Variants in LLGL2 observed in about 807,000 individuals in gnomAD.
LLGL2 encodes the protein LLGL2, scribble cell polarity complex component.
Under a neutral mutation model 123.2 loss-of-function variants are expected in LLGL2, and 81 were observed. The ratio of observed to expected loss-of-function variants is 0.66; its 90% confidence interval spans 0.55 to 0.79. The LOEUF is 0.79. Among genes scored for constraint, LLGL2 ranks in the 30% least tolerant of loss-of-function variants. The pLI is 0.00. For missense variants in LLGL2, 1,273 were observed against 1,414.6 expected, an observed-to-expected ratio of 0.90 and a Z score of 1.61; for synonymous variants, 577 against 594.1, an observed-to-expected ratio of 0.97 and a Z score of 0.42.
chr17:75,546,562 ACAGGCGGAGGG>A (rs2054434216), intron 2 of LLGL2, among the ~76,000 whole-genome samples: 2 of 55,594 alleles, frequency 3.6e-5, no homozygotes, highest in Admixed American at 1.4e-4. Flanking sequence ...GGCCCAGCAG[ACAGGCGGAGGG>A]CAGGTCCAGC....
At chr17:75,560,682 C>T (rs1250260366) in intron 6 of LLGL2, among the ~76,000 whole-genome samples, 1 of 150,664 alleles carries the variant, frequency 6.6e-6, no homozygotes, top group Non-Finnish European at 1.5e-5. Context: ...GACAGGGTTT[C>T]TCCATGGTGG....
upstream of LLGL2, among the ~76,000 whole-genome samples, chr17:75,525,404 CGTTCCGGGAACTA>C (rs1217623096): frequency 6.6e-6 from 1 of 152,062 alleles, no homozygotes; most frequent in Non-Finnish European, 1.5e-5. This position sits in a 1 kb window ranked among gnomAD's most constrained non-coding sequence, Gnocchi z 4.8. Context: ...GGACCGCAGG[CGTTCCGGGAACTA>C]TTTCCGCTTG....
intron 2 of LLGL2, among the ~76,000 whole-genome samples, chr17:75,548,231 T>C (rs2054510806): frequency 6.6e-6 from 1 of 152,112 alleles, no homozygotes; most frequent in South Asian, 2.1e-4. Context: ...AATGTAGCTT[T>C]CCTTTGTGGA....
At chr17:75,562,871 T>C (rs1272378266) in intron 6 of LLGL2, 145 bp from the exon 7 acceptor site, 15 of 1,023,374 alleles carry the variant, frequency 1.5e-5, no homozygotes, top group Non-Finnish European at 2.1e-5. Flanking sequence ...CGCTCGGCCA[T>C]CCACTGCGCC....
At chr17:75,525,657 G>C (rs992086053), upstream of LLGL2, 2 of 150,298 alleles carry the variant, frequency 1.3e-5, no homozygotes, top group Admixed American at 6.6e-5. This position sits in a 1 kb window ranked among gnomAD's most constrained non-coding sequence, Gnocchi z 4.8. Flanking sequence ...CGGCAGGCTC[G>C]CCCTTTATGT....
chr17:75,573,602 G>T lies in LLGL2; in HGVS notation c.2847G>T (p.Ala949=). Residue 949 remains alanine (A), a synonymous_variant, in exon 21 of 26, where the codon GCG becomes GCT. Coordinates refer to ENST00000392550, the MANE Select transcript of LLGL2 (RefSeq NM_001031803.2). ...AGAACCACCGCCCTGGTAACGGTGC[G>T]GGCCCCAAGAAGGCCCCGAGCCGAG... The part of the protein sequence containing the change: ...ETKNHRPGNG[A]GPKKAPSRAR... 6.2e-7 allele frequency: 1 copy of T among 1,611,128 alleles called. No homozygotes were observed. The highest frequency in any genetic ancestry group is 8.5e-7 in the Non-Finnish European group (1 of 1,179,576).
At chr17:75,530,668 T>C (rs1308736598) in intron 1 of LLGL2, among the ~76,000 whole-genome samples, 1 of 144,940 alleles carries the variant, frequency 6.9e-6, no homozygotes, top group African/African-American at 2.5e-5. Context: ...AAAAAAAAAT[T>C]AGCTGGGCAT....
chr17:75,566,066 G>A (rs911648549), intron 10 of LLGL2, among the ~76,000 whole-genome samples: 6 of 152,232 alleles, frequency 3.9e-5, no homozygotes, highest in Admixed American at 2.0e-4. Context: ...ACGTATTTGC[G>A]CAGACACGGA....
At chr17:75,568,055 A>G in intron 10 of LLGL2, 1 of 1,062,336 alleles carries the variant, frequency 9.4e-7, no homozygotes, top group Non-Finnish European at 1.1e-6. Flanking sequence ...GCAGTAAAGA[A>G]AATGCCACCC....
chr17:75,566,859 T>C (rs1243025368), intron 10 of LLGL2, among the ~76,000 whole-genome samples: 2 of 152,138 alleles, frequency 1.3e-5, no homozygotes, highest in South Asian at 2.1e-4. Context: ...AGATGCTGAG[T>C]AGACAACTGG....
chr17:75,570,506 C>A lies in LLGL2; in HGVS notation c.2025+8C>A. On this transcript the variant is annotated splice_region_variant and intron_variant, in intron 16 of 25. Transcript: ENST00000392550. ...GCTGGCCCCCCAGGAGAGGTGAGGC[C>A]TGAGGTGAGGCTGCGGCCGGCCACG... The A allele has an allele frequency of 6.4e-7, 1 of 1,565,822 alleles. No individual in the cohort carries two copies. The highest frequency in any genetic ancestry group is 8.6e-7 in the Non-Finnish European group (1 of 1,156,650).
intron 20 of LLGL2, 97 bp from the exon 21 acceptor site, chr17:75,573,384 G>A: frequency 6.4e-7 from 1 of 1,554,780 alleles, no homozygotes; most frequent in Admixed American, 1.8e-5. Flanking sequence ...GCCTTAAGCG[G>A]AGAACTGCGA....
In LLGL2 at chr17:75,525,837, G is replaced by T. The variant is rs2053543051; in HGVS notation, c.-31+12G>T. 6.6e-6 allele frequency: 1 copy of T among 151,570 alleles called. No homozygotes were observed. Among genetic ancestry groups the T allele is most frequent in the Admixed American group, 6.6e-5 (1 of 15,236 alleles). The allele number at this position is 151,570 out of a possible 1,614,324, so 9.4% of individuals were successfully genotyped here. On this transcript the variant is annotated intron_variant, in intron 1 of 25. Transcript: ENST00000392550. The surrounding 1 kb of genome is among the most constrained non-coding windows in gnomAD (Gnocchi z 4.8). ...GCCCGGGGTTCCAGGTGAGATGCGT[G>T]CCGGACTCGCCCAGCCGGGCCCGCC...
At chr17:75,567,670 A>G (rs1306453222) in intron 10 of LLGL2, among the ~76,000 whole-genome samples, 2 of 151,606 alleles carry the variant, frequency 1.3e-5, no homozygotes, top group Non-Finnish European at 2.9e-5. Context: ...GACTGGGCAC[A>G]GTGGCTCATG....
intron 2 of LLGL2, 101 bp downstream of exon 2, chr17:75,543,602 T>G (rs747655578): frequency 1.2e-6 from 1 of 822,938 alleles, no homozygotes; most frequent in African/African-American, 1.8e-5. Flanking sequence ...ATAGCTCTTA[T>G]GTGACTGCCT....
intron 1 of LLGL2, among the ~76,000 whole-genome samples, chr17:75,528,232 C>T (rs1373437464): frequency 2.0e-5 from 3 of 152,040 alleles, no homozygotes; most frequent in Non-Finnish European, 2.9e-5. Flanking sequence ...TCTCCTGCCT[C>T]GGCCTCCCGA....
At position 75,574,610 on chromosome 17, in the gene LLGL2, G is replaced by T; in HGVS notation, c.2997G>T (p.Gly999=). 1.2e-6 allele frequency: 2 copies of T among 1,612,372 alleles called. No homozygotes were observed. The highest frequency in any genetic ancestry group is 1.7e-6 in the Non-Finnish European group (2 of 1,179,626). Residue 999 remains glycine, a splice_region_variant and synonymous_variant, in exon 25 of 26, where the codon GGG becomes GGT. Transcript: ENST00000392550. ...EIQSTLEGDR[G]SGNWRSHRAA... ...GACTCCCCTGTCTTTGCCTGTGCAG[G>T]AGCGGCAACTGGCGTTCACATCGAG...
At chr17:75,574,008 C>T in intron 22 of LLGL2, 28 bp downstream of exon 22, 5 of 1,550,598 alleles carry the variant, frequency 3.2e-6, no homozygotes, top group Non-Finnish European at 4.4e-6. Context: ...GGCTCATGCA[C>T]ACCTGGGCCA....
In LLGL2 at chr17:75,572,994, C is replaced by G. The variant is rs572789656; in HGVS notation, c.2461-20C>G. 2 of 1,586,436 alleles carry G rather than the reference C, an allele frequency of 1.3e-6. No homozygotes were observed. Among genetic ancestry groups the G allele is most frequent in the East Asian group, 4.5e-5 (2 of 44,430 alleles). ...GAACTGGTTTGGCCATGGGCATGAA[C>G]AACCACCCCACGCCCCCAGGTGTTC... is the stretch of plus-strand genomic sequence containing the variant. On this transcript the variant is annotated intron_variant, in intron 19 of 25. Coordinates refer to ENST00000392550, the MANE Select transcript of LLGL2 (RefSeq NM_001031803.2).
Sources: allele counts gnomAD v4.1 joint callset (sites outside exome capture counted in the v4.1 genomes callset), GRCh38; gene constraint gnomAD v4.1.1; non-coding constraint Gnocchi (gnomAD v3.1); transcripts MANE v1.5; gene names NCBI Gene and HGNC (gene_info 2026-07-23, HGNC 2026-07-21).